Variants in SLC27A6 observed in about 807,000 individuals in gnomAD.
SLC27A6 encodes the protein solute carrier family 27 member 6.
Under a neutral mutation model 63.9 loss-of-function variants are expected in SLC27A6, and 74 were observed. The ratio of observed to expected loss-of-function variants is 1.16; its 90% confidence interval spans 0.96 to 1.40. The LOEUF (loss-of-function observed/expected upper bound fraction) is 1.40, where lower values mean the gene tolerates loss of function less well. Among genes scored for constraint, SLC27A6 ranks in the 40% most tolerant of loss-of-function variants. SLC27A6 has a pLI of 0.00. For missense variants in SLC27A6, 794 were observed against 732.9 expected (o/e 1.08, Z -0.96); for synonymous variants, 287 against 260.8 (o/e 1.10, Z -0.97).
intron 1 of SLC27A6, among the ~76,000 whole-genome samples, chr5:128,983,720 C>T (rs769292033): frequency 1.2e-4 from 19 of 152,172 alleles, no homozygotes; most frequent in Non-Finnish European, 2.1e-4. Flanking sequence ...CATCCACCAA[C>T]TTGTGAGCTT....
At chr5:128,972,403 C>A (rs1031190382) in intron 1 of SLC27A6, among the ~76,000 whole-genome samples, 2 of 152,212 alleles carry the variant, frequency 1.3e-5, no homozygotes, top group African/African-American at 4.8e-5. Flanking sequence ...GTACACCAAT[C>A]AAACGTAGAT....
chr5:129,011,479 C>G (rs1310120104), intron 4 of SLC27A6, among the ~76,000 whole-genome samples: 1 of 152,188 alleles, frequency 6.6e-6, no homozygotes, highest in Non-Finnish European at 1.5e-5. Flanking sequence ...AACACTTTGT[C>G]AGTCATTCAA....
intron 5 of SLC27A6, among the ~76,000 whole-genome samples, chr5:129,021,984 A>C (rs1193011383): frequency 6.6e-6 from 1 of 152,194 alleles, no homozygotes; most frequent in African/African-American, 2.4e-5. Flanking sequence ...CAAAAAACAA[A>C]GCATGTTAAA....
intron 4 of SLC27A6, among the ~76,000 whole-genome samples, chr5:129,015,342 G>A (rs1223802761): frequency 1.3e-5 from 2 of 152,112 alleles, no homozygotes; most frequent in Admixed American, 6.5e-5. Flanking sequence ...ATATTTACAA[G>A]TCAAATATTA....
intron 6 of SLC27A6, among the ~76,000 whole-genome samples, chr5:129,025,198 CA>C (rs1433146712): frequency 6.6e-6 from 1 of 152,004 alleles, no homozygotes; most frequent in African/African-American, 2.4e-5. Context: ...ATATTTTTTC[CA>C]TTAAGGCATT....
chr5:129,018,880 G>A (rs912749615), intron 5 of SLC27A6, among the ~76,000 whole-genome samples: 3 of 152,042 alleles, frequency 2.0e-5, no homozygotes, highest in African/African-American at 7.2e-5. Context: ...ACAAAGTTGT[G>A]CCTAATACTT....
At chr5:129,008,766 A>G (rs1751629411) in intron 4 of SLC27A6, among the ~76,000 whole-genome samples, 1 of 152,206 alleles carries the variant, frequency 6.6e-6, no homozygotes, top group Non-Finnish European at 1.5e-5. Flanking sequence ...CATTTGCAGA[A>G]TAATTACCTT....
At chr5:128,972,963 T>A (rs35791995) in intron 1 of SLC27A6, among the ~76,000 whole-genome samples, 1 of 152,124 alleles carries the variant, frequency 6.6e-6, no homozygotes, top group Non-Finnish European at 1.5e-5. Flanking sequence ...GTGGATGTCC[T>A]TTTTGTTGGT....
chr5:128,979,433 C>T (rs1301798921), intron 1 of SLC27A6, among the ~76,000 whole-genome samples: 4 of 151,958 alleles, frequency 2.6e-5, no homozygotes, highest in Non-Finnish European at 5.9e-5. Flanking sequence ...GGGAGATAAC[C>T]CTGATGGGGT....
rs554985581 is a variant in SLC27A6, at chr5:128,974,939, G to C, written c.481+8321G>C. On this transcript the variant is annotated intron_variant, in intron 1 of 9. Transcript: ENST00000262462. ...AAATGATTGCTATTATGATTATAGA[G>C]TAATCCTGGGGCTTTTAATAAGGGA... Among the ~76,000 whole-genome samples the C allele has an allele frequency of 2.0e-5, 3 of 152,340 alleles. No homozygotes were observed. In the South Asian group the frequency reaches 6.2e-4, roughly 32 times the overall value.
intron 4 of SLC27A6, among the ~76,000 whole-genome samples, chr5:128,993,780 T>A (rs1357275955): frequency 6.6e-6 from 1 of 152,122 alleles, no homozygotes; most frequent in Non-Finnish European, 1.5e-5. Flanking sequence ...GAACTGAGAA[T>A]TGAAAACAGA....
chr5:128,967,643 G>A (rs17616974), intron 1 of SLC27A6, among the ~76,000 whole-genome samples: 36,680 of 152,070 alleles, frequency 0.24, 4,979 homozygotes, highest in Middle Eastern at 0.33. Context: ...TCAAACCAAA[G>A]TGAGTTAGGC....
At chr5:128,972,815 C>T (rs1580700073) in intron 1 of SLC27A6, among the ~76,000 whole-genome samples, 2 of 152,294 alleles carry the variant, frequency 1.3e-5, no homozygotes, top group Admixed American at 6.5e-5. Flanking sequence ...CCATTGCTGG[C>T]AAGTAGCTGT....
chr5:128,967,925 C>A, intron 1 of SLC27A6, among the ~76,000 whole-genome samples: 1 of 151,946 alleles, frequency 6.6e-6, no homozygotes, highest in African/African-American at 2.4e-5. Context: ...CCCCACCCCA[C>A]GACAGGCCCT....
At chr5:129,009,749 A>G (rs1751666511) in intron 4 of SLC27A6, among the ~76,000 whole-genome samples, 1 of 151,684 alleles carries the variant, frequency 6.6e-6, no homozygotes, top group South Asian at 2.1e-4. Flanking sequence ...ATCTCGGCTC[A>G]CTGCAACCTC....
intron 5 of SLC27A6, among the ~76,000 whole-genome samples, chr5:129,022,222 T>C (rs1382151227): frequency 6.6e-6 from 1 of 152,204 alleles, no homozygotes; most frequent in African/African-American, 2.4e-5. Flanking sequence ...GCCTCTTTCA[T>C]TGGCTCTAAT....
chr5:129,008,711 A>G (rs754288852), intron 4 of SLC27A6, among the ~76,000 whole-genome samples: 1 of 152,196 alleles, frequency 6.6e-6, no homozygotes, highest in Non-Finnish European at 1.5e-5. Context: ...ACTGTGAGAA[A>G]AGAACCCTCT....
chr5:129,026,080 G>C (rs1752235725), intron 6 of SLC27A6, among the ~76,000 whole-genome samples: 1 of 152,120 alleles, frequency 6.6e-6, no homozygotes, highest in Non-Finnish European at 1.5e-5. Context: ...GGCTGTGGTG[G>C]ACCATGATCA....
intron 1 of SLC27A6, among the ~76,000 whole-genome samples, chr5:128,974,233 G>A (rs761469990): frequency 6.6e-6 from 1 of 152,144 alleles, no homozygotes; most frequent in Non-Finnish European, 1.5e-5. Flanking sequence ...CTTTTACTTT[G>A]CTTGCCAATA....
Sources: gnomAD v4.1 joint callset for allele counts (sites outside exome capture counted in the v4.1 genomes callset) on GRCh38, gnomAD v4.1.1 for gene constraint, MANE v1.5 for transcripts, NCBI Gene and HGNC (gene_info 2026-07-23, HGNC 2026-07-21) for gene names.